The following GLG1 variants were observed in gnomAD, a reference collection of about 807,000 sequenced individuals.
The protein encoded by GLG1 is Golgi apparatus protein 1.
Under a neutral mutation model 160.5 loss-of-function variants are expected in GLG1, and 38 were observed. The observed-to-expected ratio is 0.24, with a 90% CI of 0.18 to 0.31. The LOEUF (loss-of-function observed/expected upper bound fraction) is 0.31. GLG1 is among the 10% of genes least tolerant of loss of function. GLG1 has a pLI of 1.00. For synonymous variants in GLG1, 644 were observed against 543.4 expected, an observed-to-expected ratio of 1.19 and a Z score of -2.57; for missense variants, 1,373 against 1,505.2, an observed-to-expected ratio of 0.91 and a Z score of 1.45.
intron 15 of GLG1, among the ~76,000 whole-genome samples, 180 bp from the exon 16 acceptor site, chr16:74,470,253 T>G (rs2015148668): frequency 6.6e-6 from 1 of 150,982 alleles, no homozygotes. Flanking sequence ...ACAGGCAGGC[T>G]TCCTTCCTTC....
intron 5 of GLG1, among the ~76,000 whole-genome samples, chr16:74,495,900 T>C (rs746341251): frequency 1.3e-5 from 2 of 152,156 alleles, no homozygotes; most frequent in Non-Finnish European, 2.9e-5. Context: ...CTGGGACCAA[T>C]TTCTTCTTCC....
chr16:74,579,341 G>A (rs551947034), intron 1 of GLG1, among the ~76,000 whole-genome samples: 4 of 117,606 alleles, frequency 3.4e-5, no homozygotes, highest in Middle Eastern at 7.8e-3. Flanking sequence ...CCTGAGCCTT[G>A]GGAGGTAAAG....
At chr16:74,547,729 C>T (rs2018087753) in intron 1 of GLG1, among the ~76,000 whole-genome samples, 1 of 152,232 alleles carries the variant, frequency 6.6e-6, no homozygotes. Flanking sequence ...TCTTTCCAAA[C>T]CCCTCTGACA....
rs1165658801 is a variant in GLG1, at chr16:74,599,472, C to T, written c.438+7185G>A. ...GTGGCTCACGCCTGTAATCCCACCACTTTGGGAGGCCAAGGCGGGTGGGAT... is the reference window on the plus strand; with the variant it reads ...GTGGCTCACGCCTGTAATCCCACCATTTTGGGAGGCCAAGGCGGGTGGGAT... On this transcript the variant is annotated intron_variant, in intron 1 of 25. Transcript: ENST00000422840. Among the ~76,000 whole-genome samples the T allele has an allele frequency of 3.3e-5, 5 of 152,294 alleles. No homozygotes were observed. In the East Asian group the frequency reaches 9.6e-4, roughly 29 times the overall value.
At chr16:74,555,638 G>A (rs999197787) in intron 1 of GLG1, among the ~76,000 whole-genome samples, 2 of 151,934 alleles carry the variant, frequency 1.3e-5, no homozygotes, top group Non-Finnish European at 2.9e-5. Context: ...ACAGTGAGCT[G>A]TGACTCCTCC....
chr16:74,450,211 T>G lies in GLG1; in HGVS notation c.*2956A>C, dbSNP rs1336966586. 1 of 152,180 alleles carries G rather than the reference T, an allele frequency of 6.6e-6. No individual in the cohort carries two copies. Among genetic ancestry groups the G allele is most frequent in the East Asian group, 1.9e-4 (1 of 5,192 alleles). The allele number at this position is 152,180 out of a possible 1,614,324, so 9.4% of individuals were successfully genotyped here. On this transcript the variant is annotated 3_prime_UTR_variant, in exon 26 of 26. Coordinates refer to ENST00000422840, the MANE Select transcript of GLG1 (RefSeq NM_001145667.2). ...TCTATTACTGTTGGTGGGCTACACA[T>G]CAGGAGAGTAGACACAGGCCAGAGT...
Position 74,599,332 on chromosome 16 carries a change from C to T in GLG1, c.438+7325G>A, listed in dbSNP as rs558300736. Among the ~76,000 whole-genome samples the T allele has an allele frequency of 5.3e-5, 8 of 152,298 alleles. No individual in the cohort carries two copies. In the East Asian group the frequency reaches 9.6e-4, roughly 18 times the overall value. ...CCTTTAATAATTCCCCAAAGCATCT[C>T]CCCTTTCCACCTGTGCTACGACTCT... On this transcript the variant is annotated intron_variant, in intron 1 of 25. Transcript: ENST00000422840.
At position 74,493,003 on chromosome 16, in the gene GLG1, G is replaced by A; in HGVS notation, c.1188C>T (p.Ala396=). The A allele has an allele frequency of 6.2e-7, 1 of 1,613,830 alleles. No individual in the cohort carries two copies. Among genetic ancestry groups the A allele is most frequent in the Non-Finnish European group, 8.5e-7 (1 of 1,179,810 alleles). ...NVENLPRSRE[A]RLSYLLMCLE... ...GGCACATTAACAAGTAGGAGAGCCT[G>A]GCTTCACGCGATCGCGGAAGGTTTT... Residue 396 remains alanine, a synonymous_variant, in exon 7 of 26, where the codon GCC becomes GCT. Transcript: ENST00000422840.
Position 74,567,592 on chromosome 16 carries a change from C to T in GLG1, c.439-35439G>A, listed in dbSNP as rs12102522. Among the ~76,000 whole-genome samples, 1,192 of 121,170 alleles carry T rather than the reference C, an allele frequency of 9.8e-3. 16 individuals carry two copies. The highest frequency in any genetic ancestry group is 0.035 in the African/African-American group (1,126 of 32,020). The allele number at this position is 121,170 out of a possible 152,430, so 79.5% of individuals were successfully genotyped here. On this transcript the variant is annotated intron_variant, in intron 1 of 25. Transcript: ENST00000422840. ...TTTTTTTTTTTTTGAGACGGAGTCTCGCTCTGTCGCCCAGGTCGGACTGCG... is the reference window on the plus strand; with the variant it reads ...TTTTTTTTTTTTTGAGACGGAGTCTTGCTCTGTCGCCCAGGTCGGACTGCG...
intron 1 of GLG1, among the ~76,000 whole-genome samples, chr16:74,590,392 C>A (rs1037607822): frequency 2.0e-5 from 3 of 151,828 alleles, no homozygotes; most frequent in Non-Finnish European, 4.4e-5. Flanking sequence ...CCGAAGCAGG[C>A]GGATCACCTG....
At chr16:74,456,870 A>T in intron 24 of GLG1, 115 bp from the exon 25 acceptor site, 2 of 711,502 alleles carry the variant, frequency 2.8e-6, no homozygotes, top group Non-Finnish European at 2.5e-6. Context: ...TGCAGGCTCA[A>T]CAAAGTTAAA....
intron 1 of GLG1, among the ~76,000 whole-genome samples, chr16:74,605,901 T>G (rs746330570): frequency 1.2e-4 from 19 of 152,150 alleles, no homozygotes; most frequent in Admixed American, 4.6e-4. Flanking sequence ...AAACCTAGAT[T>G]ATAAATTATC....
rs748996150 is a variant in GLG1 at position 74,447,569 on chromosome 16, C to A, written c.*5598G>T. 2 of 152,164 alleles carry A rather than the reference C, an allele frequency of 1.3e-5. No homozygotes were observed. Among genetic ancestry groups the A allele is most frequent in the Non-Finnish European group, 2.9e-5 (2 of 68,030 alleles). The allele number at this position is 152,164 out of a possible 1,614,324, so 9.4% of individuals were successfully genotyped here. On this transcript the variant is annotated 3_prime_UTR_variant, in exon 26 of 26. Coordinates refer to ENST00000422840, the MANE Select transcript of GLG1 (RefSeq NM_001145667.2). ...AACATGTAAAAACAAGGGACCACCA[C>A]GATTTTATACATAGAAAGGAAACCC...
At position 74,449,269 on chromosome 16, in the gene GLG1, T is replaced by C. The variant is rs1277925680; in HGVS notation, c.*3898A>G. On this transcript the variant is annotated 3_prime_UTR_variant, in exon 26 of 26. Transcript: ENST00000422840. ...GGAGGAAATGGGAAGGGAAGGCCTC[T>C]TTTCAGTGGCCTCTCCCCAGATGAC... The C allele has an allele frequency of 1.3e-5, 2 of 152,184 alleles. No individual in the cohort carries two copies. The highest frequency in any genetic ancestry group is 2.9e-5 in the Non-Finnish European group (2 of 68,078). 9.4% of individuals were successfully genotyped at this position (152,184 alleles called of 1,614,324 possible).
At chr16:74,482,393 G>T (rs1010852957) in intron 10 of GLG1, among the ~76,000 whole-genome samples, 8 of 152,152 alleles carry the variant, frequency 5.3e-5, no homozygotes, top group African/African-American at 1.9e-4. Context: ...GAAGCAGTTG[G>T]ATCCAGCACT....
intron 17 of GLG1, 26 bp downstream of exon 17, chr16:74,468,920 T>C (rs999750982): frequency 7.1e-7 from 1 of 1,414,000 alleles, no homozygotes; most frequent in Non-Finnish European, 1.0e-6. Flanking sequence ...CTGTGGTTTC[T>C]GGGAGCAGAG....
At chr16:74,601,557 G>C (rs1332286493) in intron 1 of GLG1, among the ~76,000 whole-genome samples, 1 of 152,130 alleles carries the variant, frequency 6.6e-6, no homozygotes, top group Non-Finnish European at 1.5e-5. Flanking sequence ...ATGTTCCATG[G>C]ATTCAATATA....
At chr16:74,480,162 G>A in intron 11 of GLG1, 79 bp downstream of exon 11, 1 of 1,197,350 alleles carries the variant, frequency 8.4e-7, no homozygotes, top group Non-Finnish European at 1.2e-6. Flanking sequence ...TAATATGACT[G>A]AAATCAGAAG....
At chr16:74,587,410 G>C (rs1203676700) in intron 1 of GLG1, among the ~76,000 whole-genome samples, 2 of 152,162 alleles carry the variant, frequency 1.3e-5, no homozygotes, top group African/African-American at 4.8e-5. Flanking sequence ...AGAATAAAGA[G>C]TTCTGTACTG....
Sources: gnomAD v4.1 joint callset for allele counts (sites outside exome capture counted in the v4.1 genomes callset) on GRCh38, gnomAD v4.1.1 for gene constraint, MANE v1.5 for transcripts, NCBI Gene and HGNC (gene_info 2026-07-23, HGNC 2026-07-21) for gene names.